CFAP299: variants seen among roughly 807,000 people sequenced by gnomAD.
CFAP299 encodes cilia- and flagella-associated protein 299.
A neutral mutation model predicts 27.0 loss-of-function variants in CFAP299; 21 were observed. That is an observed-to-expected ratio of 0.78 (90% CI 0.55 to 1.12). The LOEUF (loss-of-function observed/expected upper bound fraction) is 1.12. Among genes scored for constraint, CFAP299 ranks in the 50% most tolerant of loss-of-function variants. The pLI is 0.00. For synonymous variants in CFAP299, 104 were observed against 98.1 expected (o/e 1.06, Z -0.36); for missense variants, 310 against 276.6 (o/e 1.12, Z -0.86).
At chr4:80,418,866 A>C (rs563032290) in intron 2 of CFAP299, among the ~76,000 whole-genome samples, 4 of 152,246 alleles carry the variant, frequency 2.6e-5, no homozygotes, top group Non-Finnish European at 5.9e-5. Context: ...TTGTGCATGT[A>C]TACCACATTT....
At chr4:80,573,319 A>G (rs1159177064) in intron 2 of CFAP299, among the ~76,000 whole-genome samples, 1 of 151,986 alleles carries the variant, frequency 6.6e-6, no homozygotes, top group East Asian at 1.9e-4. Context: ...TGATTGGATT[A>G]TTAGATTTCA....
intron 3 of CFAP299, among the ~76,000 whole-genome samples, chr4:80,641,763 C>A (rs566749148): frequency 6.6e-6 from 1 of 152,228 alleles, no homozygotes; most frequent in Admixed American, 6.5e-5. Flanking sequence ...ATTATTTGGC[C>A]ACAAAGTGGG....
chr4:80,516,513 G>A (rs919198836), intron 2 of CFAP299, among the ~76,000 whole-genome samples: 2 of 152,096 alleles, frequency 1.3e-5, no homozygotes, highest in African/African-American at 4.8e-5. Context: ...GAGAGAGGGA[G>A]TAAGAGGGAA....
chr4:80,653,954 A>G (rs999835650), intron 3 of CFAP299, among the ~76,000 whole-genome samples: 2 of 152,120 alleles, frequency 1.3e-5, no homozygotes, highest in South Asian at 2.1e-4. Context: ...ATGTGTTTAT[A>G]TATATGTGGG....
At chr4:80,704,119 G>C (rs1721679682) in intron 3 of CFAP299, among the ~76,000 whole-genome samples, 1 of 151,652 alleles carries the variant, frequency 6.6e-6, no homozygotes, top group Admixed American at 6.6e-5. Context: ...AAAAAACCTG[G>C]AGGAGGCAGC....
chr4:80,823,905 G>T (rs1396628388), intron 3 of CFAP299, among the ~76,000 whole-genome samples: 1 of 152,084 alleles, frequency 6.6e-6, no homozygotes, highest in Admixed American at 6.6e-5. Flanking sequence ...CTATGAACCT[G>T]CTGTGTAAGG....
At position 80,941,665 on chromosome 4, in the gene CFAP299, A is replaced by C. The variant is rs182395733; in HGVS notation, c.477-3145A>C. On this transcript the variant is annotated intron_variant, in intron 4 of 5. Coordinates refer to ENST00000358105, the MANE Select transcript of CFAP299 (RefSeq NM_152770.3). Reference sequence around the variant, plus strand: ...GAGACTGGGTCATTTATTTAAAAAAACAAAACAAAACAAAACAAAAACAGG... The same window carrying C: ...GAGACTGGGTCATTTATTTAAAAAACCAAAACAAAACAAAACAAAAACAGG... Among the ~76,000 whole-genome samples the C allele has an allele frequency of 1.9e-3, 293 of 152,282 alleles. 2 individuals are homozygous for C. Among genetic ancestry groups the C allele is most frequent in the African/African-American group, 6.7e-3 (279 of 41,538 alleles).
intron 2 of CFAP299, among the ~76,000 whole-genome samples, chr4:80,442,952 T>A (rs1238519537): frequency 6.6e-6 from 1 of 152,102 alleles, no homozygotes; most frequent in South Asian, 2.1e-4. Flanking sequence ...ATGGATAAAT[T>A]CCTGGACACA....
intron 2 of CFAP299, among the ~76,000 whole-genome samples, chr4:80,516,790 C>T (rs1183510679): frequency 6.6e-6 from 1 of 152,074 alleles, no homozygotes; most frequent in East Asian, 1.9e-4. Context: ...CATCTTAAAG[C>T]TTGTGAGGAG....
At chr4:80,359,149 CA>C (rs1234053334) in intron 1 of CFAP299, among the ~76,000 whole-genome samples, 1 of 152,090 alleles carries the variant, frequency 6.6e-6, no homozygotes, top group Non-Finnish European at 1.5e-5. Flanking sequence ...TATTGGCCCC[CA>C]ATCTTTTCTG....
intron 2 of CFAP299, among the ~76,000 whole-genome samples, chr4:80,372,553 C>T (rs573281439): frequency 6.6e-6 from 1 of 152,198 alleles, no homozygotes; most frequent in African/African-American, 2.4e-5. Context: ...TTTATTATAG[C>T]AGTCCTAGAG....
intron 3 of CFAP299, among the ~76,000 whole-genome samples, chr4:80,754,104 G>A (rs189334210): frequency 8.9e-4 from 135 of 152,158 alleles, no homozygotes; most frequent in African/African-American, 3.1e-3. Context: ...ATACTGTGTG[G>A]GATGATAGAG....
intron 2 of CFAP299, among the ~76,000 whole-genome samples, chr4:80,499,409 T>C (rs927629805): frequency 3.3e-5 from 5 of 152,170 alleles, no homozygotes; most frequent in African/African-American, 1.2e-4. Context: ...TGCTTCAAAA[T>C]GACTTTACTT....
At chr4:80,669,353 A>G in intron 3 of CFAP299, among the ~76,000 whole-genome samples, 3 of 150,928 alleles carry the variant, frequency 2.0e-5, no homozygotes. Context: ...GGGTTTCACC[A>G]TGTTGGCCAG....
intron 3 of CFAP299, among the ~76,000 whole-genome samples, chr4:80,644,841 A>T (rs1739908840): frequency 6.6e-6 from 1 of 152,138 alleles, no homozygotes; most frequent in Non-Finnish European, 1.5e-5. Flanking sequence ...AAATGAATTA[A>T]TTTTTTAAAA....
intron 3 of CFAP299, among the ~76,000 whole-genome samples, chr4:80,800,530 T>TAATATATAA (rs1245985366): frequency 7.5e-5 from 1 of 13,248 alleles, no homozygotes; most frequent in African/African-American, 3.0e-4. Flanking sequence ...ATATAATATA[T>TAATATATAA]TATATAATAT....
chr4:80,434,183 T>C (rs1727954936), intron 2 of CFAP299, among the ~76,000 whole-genome samples: 1 of 152,204 alleles, frequency 6.6e-6, no homozygotes. Context: ...ACTTAATTCT[T>C]ATTGTTGTTA....
chr4:80,368,583 G>A lies in CFAP299; in HGVS notation c.242+5699G>A, dbSNP rs533088070. ...GAGATAGAACTGCCTGAGCCCAAGAGTTCAAGACCAGCCTGGGCAACATAG... is the reference window on the plus strand; with the variant it reads ...GAGATAGAACTGCCTGAGCCCAAGAATTCAAGACCAGCCTGGGCAACATAG... On this transcript the variant is annotated intron_variant, in intron 2 of 5. Coordinates refer to ENST00000358105, the MANE Select transcript of CFAP299 (RefSeq NM_152770.3). 9.9e-5 allele frequency among the ~76,000 whole-genome samples: 15 copies of A among 152,074 alleles called. No individual in the cohort carries two copies. The South Asian group carries it at 2.5e-3, about 25-fold the overall frequency.
chr4:80,907,823 G>T (rs573523309), intron 4 of CFAP299, among the ~76,000 whole-genome samples: 18 of 152,012 alleles, frequency 1.2e-4, no homozygotes, highest in Admixed American at 2.6e-4. Context: ...GTCAGTTCTC[G>T]AAAGAAATTT....
Sources: gnomAD v4.1 joint callset for allele counts (sites outside exome capture counted in the v4.1 genomes callset) on GRCh38, gnomAD v4.1.1 for gene constraint, MANE v1.5 for transcripts, NCBI Gene and HGNC (gene_info 2026-07-23, HGNC 2026-07-21) for gene names.